DYNC2H1: variants seen among roughly 807,000 people sequenced by gnomAD.
DYNC2H1 encodes the protein cytoplasmic dynein 2 heavy chain 1.
DYNC2H1 carries 410 observed loss-of-function variants against 570.0 expected under a neutral mutation model. The observed-to-expected ratio is 0.72, with a 90% CI of 0.66 to 0.78. The LOEUF (loss-of-function observed/expected upper bound fraction) is 0.78, where lower values mean the gene tolerates loss of function less well. Ranked by LOEUF, DYNC2H1 falls within the 30% of genes least tolerant of loss-of-function variation. The probability of loss-of-function intolerance (pLI) is 0.00; values close to 1 mark genes in which losing one functional copy is unlikely to be tolerated. For synonymous variants in DYNC2H1, 1,688 were observed against 1,677.6 expected, an observed-to-expected ratio of 1.01 and a Z score of -0.15; for missense variants, 4,865 against 5,046.4, an observed-to-expected ratio of 0.96 and a Z score of 1.09.
In DYNC2H1 at chr11:103,332,714, T is replaced by C. The variant is rs546259015; in HGVS notation, c.12039+8724T>C. 7.9e-5 allele frequency among the ~76,000 whole-genome samples: 12 copies of C among 152,228 alleles called. No homozygotes were observed. In the South Asian group the frequency reaches 2.5e-3, roughly 32 times the overall value. Reference sequence around the variant, plus strand: ...ATATCTTTCAAAATGAAGTCAAGTCTTTCTCGGCTGGGCACAGTGGCTCAC... The same window carrying C: ...ATATCTTTCAAAATGAAGTCAAGTCCTTCTCGGCTGGGCACAGTGGCTCAC... On this transcript the variant is annotated intron_variant, in intron 82 of 88. Coordinates refer to ENST00000375735, the MANE Select transcript of DYNC2H1 (RefSeq NM_001377.3).
chr11:103,206,876 G>A (rs926160253), intron 52 of DYNC2H1, among the ~76,000 whole-genome samples: 4 of 152,046 alleles, frequency 2.6e-5, no homozygotes, highest in Non-Finnish European at 5.9e-5. Context: ...TTTGTTTAAA[G>A]GATGAGAGAA....
chr11:103,220,289 A>G (rs1048789820), intron 56 of DYNC2H1, among the ~76,000 whole-genome samples: 2 of 152,216 alleles, frequency 1.3e-5, no homozygotes, highest in Non-Finnish European at 2.9e-5. Flanking sequence ...TGTTAGATAA[A>G]TTAAGATATA....
chr11:103,314,213 G>C (rs12295457), intron 79 of DYNC2H1, among the ~76,000 whole-genome samples: 25,203 of 151,936 alleles, frequency 0.17, 2,278 homozygotes, highest in Admixed American at 0.25. Flanking sequence ...TTTCTTGTTT[G>C]TGCTTCAGAG....
rs1184269912 is a variant in DYNC2H1, at chr11:103,181,851, T to C, written c.6442T>C (p.Tyr2148His). 1 of 1,604,302 alleles carries C rather than the reference T, an allele frequency of 6.2e-7. No individual in the cohort carries two copies. Among genetic ancestry groups the C allele is most frequent in the East Asian group, 2.3e-5 (1 of 44,442 alleles). The change falls in exon 40 of 89, where the codon TAT (tyrosine) becomes CAT (histidine). Residue 2148 changes from tyrosine to histidine, a missense_variant. By Grantham distance (83) the Tyr-to-His change is moderately conservative. Around this residue, in one of 5 missense-constraint regions of DYNC2H1, gnomAD observed 231 missense variants for 310.3 expected, o/e 0.74. Transcript: ENST00000375735. The surrounding 1 kb of genome is among the most constrained non-coding windows in gnomAD (Gnocchi z 5.0). ...TAATCTTGAAAATTGGATTGGAGAT[T>C]ATTTTGAAAAGGCTTTACAATGGGT... ...RNNLENWIGD[Y>H]FEKALQWVLK...
chr11:103,328,826 T>G (rs1938626499), intron 82 of DYNC2H1, among the ~76,000 whole-genome samples: 2 of 152,202 alleles, frequency 1.3e-5, no homozygotes, highest in South Asian at 4.1e-4. Flanking sequence ...TTCCTCAACT[T>G]TTCCACTGTT....
rs915632722 is a variant in DYNC2H1, at chr11:103,479,483, A to G, written c.*230A>G. On this transcript the variant is annotated 3_prime_UTR_variant, in exon 89 of 89. Coordinates refer to ENST00000375735, the MANE Select transcript of DYNC2H1 (RefSeq NM_001377.3). ...CAGAGTATTCTTTTGACAACATTAA[A>G]TATTTCTGTGAGAAAGTTCACTTTT... The G allele has an allele frequency of 7.7e-6, 3 of 390,210 alleles. No individual in the cohort carries two copies. The highest frequency in any genetic ancestry group is 4.8e-5 in the Admixed American group (1 of 20,744). 24.2% of individuals were successfully genotyped at this position (390,210 alleles called of 1,614,324 possible).
At chr11:103,431,067 T>C (rs1051504573) in intron 84 of DYNC2H1, among the ~76,000 whole-genome samples, 4 of 152,094 alleles carry the variant, frequency 2.6e-5, no homozygotes, top group Non-Finnish European at 5.9e-5. Context: ...AATCACTTAA[T>C]TGAGATTTGA....
chr11:103,348,882 C>T (rs1198926626), intron 82 of DYNC2H1, among the ~76,000 whole-genome samples: 2 of 152,068 alleles, frequency 1.3e-5, no homozygotes, highest in Non-Finnish European at 2.9e-5. Context: ...TGAGTTCTCA[C>T]GAGATCTGAT....
chr11:103,428,668 C>T (rs898078622), intron 84 of DYNC2H1, among the ~76,000 whole-genome samples: 9 of 152,292 alleles, frequency 5.9e-5, no homozygotes, highest in South Asian at 4.1e-4. Context: ...TTGGCAACCA[C>T]CATCTACTTT....
chr11:103,452,587 A>T (rs922872508), intron 85 of DYNC2H1, among the ~76,000 whole-genome samples: 1 of 151,218 alleles, frequency 6.6e-6, no homozygotes, highest in Non-Finnish European at 1.5e-5. Flanking sequence ...TGTGTTCTGA[A>T]CTCTCGCCTA....
At chr11:103,460,762 A>G (rs1591792847) in intron 87 of DYNC2H1, among the ~76,000 whole-genome samples, 1 of 151,698 alleles carries the variant, frequency 6.6e-6, no homozygotes, top group Admixed American at 6.6e-5. Flanking sequence ...TAAGATTTAT[A>G]TAGTAGGAAA....
chr11:103,236,393 T>C, intron 62 of DYNC2H1, 37 bp from the exon 63 acceptor site: 1 of 1,178,730 alleles, frequency 8.5e-7, no homozygotes, highest in Non-Finnish European at 1.3e-6. Flanking sequence ...AAGTACAAGA[T>C]CGTTGTGAAG....
rs987546083 is a variant in DYNC2H1 at position 103,461,107 on chromosome 11, C to T, written c.12648+4751C>T. Among the ~76,000 whole-genome samples the T allele has an allele frequency of 3.9e-5, 6 of 152,134 alleles. No individual in the cohort carries two copies. The highest frequency in any genetic ancestry group is 1.2e-4 in the African/African-American group (5 of 41,412). On this transcript the variant is annotated intron_variant, in intron 87 of 88. Coordinates refer to ENST00000375735, the MANE Select transcript of DYNC2H1 (RefSeq NM_001377.3). This position sits in a 1 kb window ranked among gnomAD's most constrained non-coding sequence, Gnocchi z 4.8. ...ATAAAAGCACATTTTCTAACTTTCT[C>T]GCCTGCAGTTTCCAATAATGTTACC...
Position 103,203,819 on chromosome 11 carries a change from A to G in DYNC2H1, c.8311+43A>G, listed in dbSNP as rs1205292359. 1.5e-6 allele frequency: 2 copies of G among 1,296,288 alleles called. No individual in the cohort carries two copies. Among genetic ancestry groups the G allele is most frequent in the African/African-American group, 1.5e-5 (1 of 67,438 alleles). 80.3% of individuals were successfully genotyped at this position (1,296,288 alleles called of 1,614,324 possible). ...CATTAATCAAATCAAACTGGTTTGTATGAAATATATATCATTTAATTTGCC... is the reference window on the plus strand; with the variant it reads ...CATTAATCAAATCAAACTGGTTTGTGTGAAATATATATCATTTAATTTGCC... On this transcript the variant is annotated intron_variant, in intron 51 of 88. Coordinates refer to ENST00000375735, the MANE Select transcript of DYNC2H1 (RefSeq NM_001377.3). This position sits in a 1 kb window ranked among gnomAD's most constrained non-coding sequence, Gnocchi z 4.7.
chr11:103,339,105 G>A (rs1365166994), intron 82 of DYNC2H1, among the ~76,000 whole-genome samples: 1 of 152,128 alleles, frequency 6.6e-6, no homozygotes, highest in African/African-American at 2.4e-5. Context: ...TGGTGGAGTT[G>A]GGCAAGGTAA....
At chr11:103,339,572 C>T (rs10895403) in intron 82 of DYNC2H1, among the ~76,000 whole-genome samples, 33,637 of 152,020 alleles carry the variant, frequency 0.22, 3,832 homozygotes, top group Admixed American at 0.31. Context: ...CAAAGTCTTA[C>T]GTATTTTTTC....
chr11:103,450,922 A>G (rs1340784228), intron 85 of DYNC2H1, among the ~76,000 whole-genome samples: 2 of 152,206 alleles, frequency 1.3e-5, no homozygotes, highest in Non-Finnish European at 1.5e-5. Flanking sequence ...TTATATAATT[A>G]GGTTCATACT....
chr11:103,219,894 G>A (rs1863522655), intron 55 of DYNC2H1, 21 bp from the exon 56 acceptor site: 1 of 1,347,974 alleles, frequency 7.4e-7, no homozygotes, highest in African/African-American at 1.5e-5. Context: ...TGATTGGAAT[G>A]CCACTTAAAT....
rs1051220734 is a variant in DYNC2H1, at chr11:103,179,148, C to T, written c.6262C>T (p.Pro2088Ser). The T allele has an allele frequency of 1.9e-6, 3 of 1,612,790 alleles. No homozygotes were observed. The African/African-American group carries it at 4.0e-5, about 22-fold the overall frequency. ...CAGTGGAGAAAGGATTCAGTTTGGC[C>T]CAAATGTTAACTTTGTATTTGAAAC... Reference protein sequence around the residue: ...MPSGERIQFGPNVNFVFETHD... With the variant: ...MPSGERIQFGSNVNFVFETHD... Residue 2088 changes from proline to serine, a missense_variant, in exon 39 of 89, where the codon CCA becomes TCA. Around this residue, in one of 5 missense-constraint regions of DYNC2H1, gnomAD observed 231 missense variants for 310.3 expected, o/e 0.74. Transcript: ENST00000375735.
Sources: allele counts gnomAD v4.1 joint callset (sites outside exome capture counted in the v4.1 genomes callset), GRCh38; gene constraint gnomAD v4.1.1; regional missense constraint gnomAD v4.1.1; non-coding constraint Gnocchi (gnomAD v3.1); transcripts MANE v1.5; gene names NCBI Gene and HGNC (gene_info 2026-07-23, HGNC 2026-07-21).